The following TUBGCP3 variants were observed in gnomAD, a reference collection of about 807,000 sequenced individuals.
TUBGCP3 encodes tubulin gamma complex component 3, also known as gamma-tubulin complex component 3.
TUBGCP3 carries 50 observed loss-of-function variants against 123.1 expected under a neutral mutation model. The ratio of observed to expected loss-of-function variants is 0.41; its 90% CI spans 0.32 to 0.51. The LOEUF (loss-of-function observed/expected upper bound fraction) is 0.51. Ranked by LOEUF, TUBGCP3 falls within the 20% of genes least tolerant of loss-of-function variation. The pLI is 0.36. For synonymous variants in TUBGCP3, 405 were observed against 413.9 expected, an observed-to-expected ratio of 0.98 and a Z score of 0.26; for missense variants, 882 against 1,127.0, an observed-to-expected ratio of 0.78 and a Z score of 3.11.
intron 21 of TUBGCP3, among the ~76,000 whole-genome samples, chr13:112,489,280 G>A (rs956616738): frequency 2.4e-5 from 3 of 125,864 alleles, no homozygotes; most frequent in East Asian, 2.4e-4. Flanking sequence ...CAGGGGCCAC[G>A]CCCAGGTCCC....
chr13:112,545,637 C>T lies in TUBGCP3; in HGVS notation c.1335+62G>A, dbSNP rs1414982253. ...GGTAATCATGAGGGGAAAAATGAAA[C>T]AGCATAACTGCGTGCCCATGCTTTT... On this transcript the variant is annotated intron_variant, in intron 11 of 21. Coordinates refer to ENST00000261965, the MANE Select transcript of TUBGCP3 (RefSeq NM_006322.6). This position sits in a 1 kb window ranked among gnomAD's most constrained non-coding sequence, Gnocchi z 4.1. 20 of 1,573,268 alleles carry T rather than the reference C, an allele frequency of 1.3e-5. No homozygotes were observed. The Admixed American group carries it at 3.0e-4, about 24-fold the overall frequency.
chr13:112,513,201 T>C lies in TUBGCP3; in HGVS notation c.2086+3239A>G, dbSNP rs375760558. On this transcript the variant is annotated intron_variant, in intron 17 of 21. Transcript: ENST00000261965. ...TTGGTCCATTTCATTTTGTGAAATG[T>C]TATCTGAAACATGAATTTAGTTTCC... is the stretch of plus-strand genomic sequence containing the variant. Among the ~76,000 whole-genome samples the C allele has an allele frequency of 3.9e-5, 6 of 152,332 alleles. No homozygotes were observed. The South Asian group carries it at 1.2e-3, about 32-fold the overall frequency.
intron 10 of TUBGCP3, chr13:112,547,219 G>C (rs1879084426): frequency 2.6e-6 from 1 of 391,872 alleles, no homozygotes; most frequent in South Asian, 1.4e-4. Context: ...AGGCGACCAA[G>C]GGAGCAGCAA....
chr13:112,541,537 G>A (rs560887810), intron 11 of TUBGCP3, among the ~76,000 whole-genome samples: 9 of 111,914 alleles, frequency 8.0e-5, no homozygotes, highest in Admixed American at 3.5e-4. Flanking sequence ...GCAAGACTCC[G>A]TCTCAAAAAA....
chr13:112,486,797 C>T (rs1879702663), intron 21 of TUBGCP3, among the ~76,000 whole-genome samples: 1 of 152,270 alleles, frequency 6.6e-6, no homozygotes, highest in South Asian at 2.1e-4. Flanking sequence ...CATCCCCGCC[C>T]AGTGCTGGAG....
At chr13:112,578,714 CAATA>C (rs901346969) in intron 1 of TUBGCP3, among the ~76,000 whole-genome samples, 18 of 152,036 alleles carry the variant, frequency 1.2e-4, no homozygotes, top group African/African-American at 4.3e-4. Flanking sequence ...GTTTGATCAC[CAATA>C]AATAGTCTGG....
chr13:112,570,533 T>C (rs959030759), intron 1 of TUBGCP3, among the ~76,000 whole-genome samples: 25 of 152,234 alleles, frequency 1.6e-4, no homozygotes, highest in Non-Finnish European at 3.4e-4. Flanking sequence ...AATTCAAAAA[T>C]ACTTTATTGC....
At chr13:112,531,433 G>A (rs186868143) in intron 11 of TUBGCP3, among the ~76,000 whole-genome samples, 175 of 152,308 alleles carry the variant, frequency 1.1e-3, no homozygotes, top group Non-Finnish European at 2.1e-3. Flanking sequence ...ATAAGCCCCC[G>A]TTGAGTAATC....
chr13:112,566,975 G>A (rs1881000476), intron 2 of TUBGCP3, among the ~76,000 whole-genome samples: 1 of 152,216 alleles, frequency 6.6e-6, no homozygotes, highest in Admixed American at 6.5e-5. Flanking sequence ...TTATTCCAAA[G>A]AGCAGAGCTA....
chr13:112,520,403 C>T (rs1370120719), intron 14 of TUBGCP3, among the ~76,000 whole-genome samples: 1 of 152,046 alleles, frequency 6.6e-6, no homozygotes, highest in East Asian at 1.9e-4. Context: ...GTGGCGGGCA[C>T]CTGTAATCCC....
Position 112,499,145 on chromosome 13 carries a change from A to G in TUBGCP3, c.2348T>C (p.Ile783Thr). ...NQLRAVFDQIIELQNAQDAIY... is the reference protein window; with the variant it reads ...NQLRAVFDQITELQNAQDAIY... ...TGCATCTTGAGCATTCTGAAGTTCA[A>G]TAATTTGATCAAACACAGCTCTAAG... is the stretch of plus-strand genomic sequence containing the variant. The change falls in exon 20 of 22, where the codon ATT (isoleucine) becomes ACT (threonine). Residue 783 changes from isoleucine to threonine, a missense_variant. This residue lies in a region of TUBGCP3 where 160 missense variants were observed against 220.3 expected (regional missense o/e 0.73). Transcript: ENST00000261965. The G allele has an allele frequency of 1.2e-6, 2 of 1,613,906 alleles. No individual in the cohort carries two copies. Among genetic ancestry groups the G allele is most frequent in the Non-Finnish European group, 1.7e-6 (2 of 1,179,932 alleles).
chr13:112,540,588 G>C (rs1314465830), intron 11 of TUBGCP3, among the ~76,000 whole-genome samples: 5 of 147,490 alleles, frequency 3.4e-5, no homozygotes. Context: ...CGTCAATGTA[G>C]TAGCCTATGA....
At chr13:112,530,824 A>G (rs906391684) in intron 11 of TUBGCP3, among the ~76,000 whole-genome samples, 1 of 152,242 alleles carries the variant, frequency 6.6e-6, no homozygotes, top group Non-Finnish European at 1.5e-5. Context: ...AAAAATCAGT[A>G]TATACAAATA....
chr13:112,535,742 A>T (rs1877992418), intron 11 of TUBGCP3, among the ~76,000 whole-genome samples: 1 of 152,278 alleles, frequency 6.6e-6, no homozygotes, highest in South Asian at 2.1e-4. Flanking sequence ...TCACTTTCTC[A>T]AAAGTGCCCT....
At chr13:112,591,591 T>C (rs1352202147), upstream of TUBGCP3, among the ~76,000 whole-genome samples, 6 of 151,676 alleles carry the variant, frequency 4.0e-5, no homozygotes, top group Non-Finnish European at 5.9e-5. Flanking sequence ...CGCCCCTTTC[T>C]GGTGGTTCTG....
the TUBGCP3 span, among the ~76,000 whole-genome samples, chr13:112,593,549 T>C: frequency 6.6e-6 from 1 of 152,304 alleles, no homozygotes; most frequent in South Asian, 2.1e-4. Context: ...GCCGCGTGCC[T>C]GCAATCCCAG....
chr13:112,603,270 G>C, the TUBGCP3 span: 1 of 152,220 alleles, frequency 6.6e-6, no homozygotes, highest in African/African-American at 2.4e-5. Flanking sequence ...TATCTTTGCA[G>C]TTTCCCAGCC....
In TUBGCP3 at chr13:112,588,103, G is replaced by C; in HGVS notation, c.-123C>G. 1 of 836,188 alleles carries C rather than the reference G, an allele frequency of 1.2e-6. No homozygotes were observed. The highest frequency in any genetic ancestry group is 1.6e-6 in the Non-Finnish European group (1 of 609,910). The allele number at this position is 836,188 out of a possible 1,614,324, so 51.8% of individuals were successfully genotyped here. On this transcript the variant is annotated 5_prime_UTR_variant, in exon 1 of 22. Coordinates refer to ENST00000261965, the MANE Select transcript of TUBGCP3 (RefSeq NM_006322.6). The stretch of plus-strand genomic sequence containing the variant: ...CCCTGCTCCTGACAGGCTAAGGCGC[G>C]GGCGCCGCCGGCCACCAGGGCGCCA...
At chr13:112,496,965 G>A (rs563343400) in intron 20 of TUBGCP3, among the ~76,000 whole-genome samples, 25 of 146,594 alleles carry the variant, frequency 1.7e-4, no homozygotes, top group East Asian at 1.2e-3. Context: ...CAGCCTGGGC[G>A]ACAAAGTGAG....
Sources: allele counts gnomAD v4.1 joint callset (sites outside exome capture counted in the v4.1 genomes callset), GRCh38; gene constraint gnomAD v4.1.1; regional missense constraint gnomAD v4.1.1; non-coding constraint Gnocchi (gnomAD v3.1); transcripts MANE v1.5; gene names NCBI Gene and HGNC (gene_info 2026-07-23, HGNC 2026-07-21).